PDE7B: variants seen among roughly 807,000 people sequenced by gnomAD.
PDE7B encodes phosphodiesterase 7B, also known as 3',5'-cyclic-AMP phosphodiesterase 7B.
PDE7B carries 29 observed loss-of-function variants against 56.2 expected under a neutral mutation model. The observed-to-expected ratio is 0.52, with a 90% confidence interval of 0.38 to 0.70. PDE7B has a LOEUF of 0.70. Ranked by LOEUF, PDE7B falls within the 30% of genes least tolerant of loss-of-function variation. PDE7B has a pLI of 0.00. For synonymous variants in PDE7B, 197 were observed against 196.9 expected, an observed-to-expected ratio of 1.00 and a Z score of 0.00; for missense variants, 490 against 565.0, an observed-to-expected ratio of 0.87 and a Z score of 1.35.
rs3037648 is a variant in PDE7B at position 135,865,615 on chromosome 6, T to TTGTGTGTGTGTG, written c.21+13620_21+13631dup. ...GTTATTTTTGATGAAGCACTAGGCATTGTGTGTGTGTGTGTGTGTGTGTGT... is the reference window on the plus strand; with the variant it reads ...GTTATTTTTGATGAAGCACTAGGCATTGTGTGTGTGTGTGTGTGTGTGTGTGTGTGTGTGTGT... On this transcript the variant is annotated intron_variant, in intron 1 of 12. Transcript: ENST00000308191. 4.9e-3 allele frequency among the ~76,000 whole-genome samples: 698 copies of TTGTGTGTGTGTG among 142,358 alleles called. 9 individuals are homozygous for TTGTGTGTGTGTG. The highest frequency in any genetic ancestry group is 0.016 in the African/African-American group (618 of 38,282). 93.4% of individuals were successfully genotyped at this position (142,358 alleles called of 152,430 possible).
intron 1 of PDE7B, among the ~76,000 whole-genome samples, chr6:135,859,538 A>T (rs1452089283): frequency 6.6e-6 from 1 of 152,124 alleles, no homozygotes; most frequent in African/African-American, 2.4e-5. Flanking sequence ...AACATTCTAA[A>T]CTTTTCCCTA....
chr6:136,168,188 C>T (rs1483002116), intron 8 of PDE7B, among the ~76,000 whole-genome samples: 1 of 152,084 alleles, frequency 6.6e-6, no homozygotes, highest in African/African-American at 2.4e-5. Flanking sequence ...TATAGTCTTG[C>T]TAACATGATA....
At chr6:136,046,341 C>G (rs970962555) in intron 2 of PDE7B, 2 of 152,202 alleles carry the variant, frequency 1.3e-5, no homozygotes, top group African/African-American at 4.8e-5. Context: ...GCCTGAGTCT[C>G]TTCTTCAACC....
At chr6:136,041,790 A>G (rs750708563) in intron 2 of PDE7B, among the ~76,000 whole-genome samples, 2 of 152,188 alleles carry the variant, frequency 1.3e-5, no homozygotes, top group Non-Finnish European at 2.9e-5. Context: ...GAATTATCTA[A>G]TTATCTAGTT....
rs140282562 is a variant in PDE7B at position 136,178,776 on chromosome 6, T to C, written c.804-221T>C. Among the ~76,000 whole-genome samples, 203 of 152,300 alleles carry C rather than the reference T, an allele frequency of 1.3e-3. 1 individual carries two copies. Among genetic ancestry groups the C allele is most frequent in the African/African-American group, 4.4e-3 (184 of 41,550 alleles). On this transcript the variant is annotated intron_variant, in intron 9 of 12. Transcript: ENST00000308191. Reference sequence around the variant, plus strand: ...ACTACCACAACTTTGTTTTTCAAGGTTTCAATCACTTTATACAGTTCTTGG... The same window carrying C: ...ACTACCACAACTTTGTTTTTCAAGGCTTCAATCACTTTATACAGTTCTTGG...
intron 2 of PDE7B, among the ~76,000 whole-genome samples, chr6:136,035,830 T>C (rs1005919089): frequency 6.6e-6 from 1 of 152,238 alleles, no homozygotes; most frequent in Non-Finnish European, 1.5e-5. Flanking sequence ...TAAAAAGTCA[T>C]TCTTGAAGAA....
chr6:136,181,438 G>A, intron 11 of PDE7B, 115 bp downstream of exon 11: 1 of 706,534 alleles, frequency 1.4e-6, no homozygotes, highest in Admixed American at 2.3e-5. Context: ...ATCAACTCTT[G>A]TTATCCTAAC....
chr6:136,144,623 G>C (rs1778384790), intron 3 of PDE7B, among the ~76,000 whole-genome samples: 1 of 152,066 alleles, frequency 6.6e-6, no homozygotes, highest in African/African-American at 2.4e-5. Flanking sequence ...TTCTGATACA[G>C]AATCCAGTTA....
At chr6:135,857,946 T>C (rs1446119680) in intron 1 of PDE7B, among the ~76,000 whole-genome samples, 2 of 152,086 alleles carry the variant, frequency 1.3e-5, no homozygotes, top group Admixed American at 6.5e-5. Flanking sequence ...ACTTGGAGTA[T>C]GGGATAGGAA....
intron 2 of PDE7B, among the ~76,000 whole-genome samples, chr6:136,058,163 TA>T (rs760340254): frequency 9.2e-5 from 14 of 152,060 alleles, no homozygotes; most frequent in South Asian, 2.1e-4. Flanking sequence ...AAGCACCAGA[TA>T]GGGGGGAACT....
At chr6:136,131,338 G>A (rs938992234) in intron 3 of PDE7B, among the ~76,000 whole-genome samples, 1 of 151,924 alleles carries the variant, frequency 6.6e-6, no homozygotes, top group Non-Finnish European at 1.5e-5. Flanking sequence ...CAATGCCCAT[G>A]GGCCATGTTA....
chr6:135,939,952 T>C (rs1309628077), intron 1 of PDE7B, among the ~76,000 whole-genome samples: 1 of 152,196 alleles, frequency 6.6e-6, no homozygotes, highest in African/African-American at 2.4e-5. Flanking sequence ...GATAGCTATA[T>C]TGTAATTATT....
intron 8 of PDE7B, among the ~76,000 whole-genome samples, chr6:136,170,006 C>T (rs1299089261): frequency 1.3e-5 from 2 of 152,116 alleles, no homozygotes; most frequent in African/African-American, 4.8e-5. Flanking sequence ...TACCTCATAA[C>T]AAAGCCTTGG....
At chr6:136,031,702 G>A (rs1776249495) in intron 2 of PDE7B, among the ~76,000 whole-genome samples, 1 of 139,246 alleles carries the variant, frequency 7.2e-6, no homozygotes, top group Admixed American at 7.8e-5. Context: ...TCCCGCCACT[G>A]CACTCCAGCC....
At chr6:136,003,240 G>C (rs10223764) in intron 2 of PDE7B, among the ~76,000 whole-genome samples, 72,208 of 151,242 alleles carry the variant, frequency 0.48, 17,935 homozygotes, top group African/African-American at 0.61. Context: ...ATGCCCACAA[G>C]AGAAAGCATG....
intron 2 of PDE7B, among the ~76,000 whole-genome samples, chr6:136,007,728 T>C (rs1775813436): frequency 6.6e-6 from 1 of 152,056 alleles, no homozygotes; most frequent in African/African-American, 2.4e-5. Flanking sequence ...AATTTATTCA[T>C]CTCTTCTGGG....
At chr6:135,853,459 T>C (rs889391152) in intron 1 of PDE7B, among the ~76,000 whole-genome samples, 4 of 152,236 alleles carry the variant, frequency 2.6e-5, no homozygotes, top group African/African-American at 9.6e-5. Context: ...CTCCATTTCC[T>C]CTGCTTTATC....
chr6:135,980,921 A>G (rs1367025261), intron 2 of PDE7B, among the ~76,000 whole-genome samples: 1 of 148,750 alleles, frequency 6.7e-6, no homozygotes, highest in Non-Finnish European at 1.5e-5. Flanking sequence ...TGACCCAGCC[A>G]TCCCATTACT....
chr6:136,025,881 C>CT (rs368118101), intron 2 of PDE7B, among the ~76,000 whole-genome samples: 6 of 150,384 alleles, frequency 4.0e-5, no homozygotes, highest in East Asian at 3.9e-4. Flanking sequence ...ATTTAAAGCT[C>CT]TTTTTTTTTT....
Sources: gnomAD v4.1 joint callset for allele counts (sites outside exome capture counted in the v4.1 genomes callset) on GRCh38, gnomAD v4.1.1 for gene constraint, MANE v1.5 for transcripts, NCBI Gene and HGNC (gene_info 2026-07-23, HGNC 2026-07-21) for gene names.